Variants in PPP1R15A observed in about 807,000 individuals in gnomAD.
The protein encoded by PPP1R15A is protein phosphatase 1 regulatory subunit 15A, also known as growth arrest and DNA damage-inducible protein GADD34.
A neutral mutation model predicts 48.5 loss-of-function variants in PPP1R15A; 43 were observed. That is an observed-to-expected ratio of 0.89 (90% CI 0.69 to 1.14). PPP1R15A has a LOEUF of 1.14. Ranked by LOEUF, PPP1R15A falls within the 50% of genes most tolerant of loss-of-function variation. PPP1R15A has a pLI of 0.00. For missense variants in PPP1R15A, 868 were observed against 847.2 expected (o/e 1.02, Z -0.30); for synonymous variants, 327 against 327.4 (o/e 1.00, Z 0.01).
rs1435250415 is a variant in PPP1R15A at position 48,873,897 on chromosome 19, T to A, written c.664T>A (p.Ser222Thr). The A allele has an allele frequency of 6.2e-7, 1 of 1,613,796 alleles. No individual in the cohort carries two copies. The highest frequency in any genetic ancestry group is 8.5e-7 in the Non-Finnish European group (1 of 1,179,980). Residue 222 changes from serine (S) to threonine (T), a missense_variant, in exon 2 of 3, where the codon TCT (serine) becomes ACT (threonine). Transcript: ENST00000200453. ...AGGATCCAAGCCCAGCACTTGGGTG[T>A]CTTGCCCAGGGGAGGAAGAGAATCA... ...SPGSKPSTWV[S>T]CPGEEENQAT...
In PPP1R15A at chr19:48,873,810, G is replaced by A. The variant is rs771916648; in HGVS notation, c.577G>A (p.Glu193Lys). The change falls in exon 2 of 3, where the codon GAG (glutamate) becomes AAG (lysine). Residue 193 changes from glutamate (E) to lysine (K), a missense_variant. Physicochemically the swap from Glu to Lys is moderately conservative, Grantham distance 56. Coordinates refer to ENST00000200453, the MANE Select transcript of PPP1R15A (RefSeq NM_014330.5). ...HRECCPAVEEEDDEEAVKKEA... is the reference protein window; with the variant it reads ...HRECCPAVEEKDDEEAVKKEA... ...GGAGTGTTGTCCAGCCGTGGAGGAG[G>A]AGGACGATGAAGAAGCTGTAAAGAA... The A allele has an allele frequency of 1.2e-6, 2 of 1,614,130 alleles. No homozygotes were observed. The highest frequency in any genetic ancestry group is 4.5e-5 in the East Asian group (2 of 44,888).
In PPP1R15A at chr19:48,874,161, G is replaced by C. The variant is rs11541191; in HGVS notation, c.928G>C (p.Glu310Gln). The C allele has an allele frequency of 6.2e-7, 1 of 1,614,070 alleles. No homozygotes were observed. Among genetic ancestry groups the C allele is most frequent in the South Asian group, 1.1e-5 (1 of 91,076 alleles). Residue 310 changes from glutamate to glutamine, a missense_variant, in exon 2 of 3, where the codon GAG becomes CAG. By Grantham distance (29) the Glu-to-Gln change is conservative (BLOSUM62 2). Coordinates refer to ENST00000200453, the MANE Select transcript of PPP1R15A (RefSeq NM_014330.5). The part of the protein sequence containing the change: ...KSWWCQPSDE[E>Q]EGEVKALGAA... ...CTGGTGGTGCCAACCCAGTGATGAAGAGGAGGGTGAGGTCAAGGCTTTGGG... is the reference window on the plus strand; with the variant it reads ...CTGGTGGTGCCAACCCAGTGATGAACAGGAGGGTGAGGTCAAGGCTTTGGG...
rs146665963 is a variant in PPP1R15A at position 48,875,945 on chromosome 19, C to T, written c.1997C>T (p.Ala666Val). 80 of 1,597,260 alleles carry T rather than the reference C, an allele frequency of 5.0e-5. No individual in the cohort carries two copies. Among genetic ancestry groups the T allele is most frequent in the Non-Finnish European group, 6.7e-5 (78 of 1,168,760 alleles). The change falls in exon 3 of 3, where the codon GCC (alanine) becomes GTC (valine). Residue 666 changes from alanine to valine, a missense_variant. By Grantham distance (64) the Ala-to-Val change is moderately conservative. Transcript: ENST00000200453. ...CGCTCGTCTGCTGCTGCAGCGGCTG[C>T]CCTGGACCTCAGTGGGAGGCGTGGC... The part of the protein sequence containing the change: ...PSRSSAAAAA[A>V]LDLSGRRG
Position 48,874,015 on chromosome 19 carries a change from AG to A in PPP1R15A, c.783del (p.Glu261AspfsTer79), listed in dbSNP as rs1368406624. ...RSSGSDPRSW[E>X]YRSGEASEEK... ...TCAGGCTCCGACCCCAGGTCCTGGGAGTATCGTTCAGGAGAGGCGTCCGAGG... is the reference window on the plus strand; with the variant it reads ...TCAGGCTCCGACCCCAGGTCCTGGGATATCGTTCAGGAGAGGCGTCCGAGG... On this transcript the variant is annotated frameshift_variant, in exon 2 of 3. Transcript: ENST00000200453. LOFTEE classifies it high-confidence loss of function. 1 of 1,614,022 alleles carries A rather than the reference AG, an allele frequency of 6.2e-7. No individual in the cohort carries two copies. The highest frequency in any genetic ancestry group is 8.5e-7 in the Non-Finnish European group (1 of 1,180,038).
At position 48,873,898 on chromosome 19, in the gene PPP1R15A, C is replaced by G. The variant is rs754378637; in HGVS notation, c.665C>G (p.Ser222Cys). The change falls in exon 2 of 3, where the codon TCT (serine) becomes TGT (cysteine). Residue 222 changes from serine to cysteine, a missense_variant. Transcript: ENST00000200453. ...GGATCCAAGCCCAGCACTTGGGTGT[C>G]TTGCCCAGGGGAGGAAGAGAATCAA... ...SPGSKPSTWV[S>C]CPGEEENQAT... The G allele has an allele frequency of 3.6e-5, 58 of 1,613,866 alleles. No homozygotes were observed. Among genetic ancestry groups the G allele is most frequent in the Non-Finnish European group, 4.7e-5 (56 of 1,180,012 alleles).
intron 1 of PPP1R15A, 149 bp downstream of exon 1, chr19:48,872,800 C>A: frequency 3.7e-6 from 1 of 271,778 alleles, no homozygotes; most frequent in Non-Finnish European, 7.6e-6. Flanking sequence ...GAATCATCTG[C>A]CAAGTAGGGG....
intron 2 of PPP1R15A, 23 bp downstream of exon 2, chr19:48,874,921 CTATTTT>C: frequency 7.0e-7 from 1 of 1,422,160 alleles, no homozygotes; most frequent in Non-Finnish European, 9.3e-7. Context: ...AGCCCAGATT[CTATTTT>C]TTTTTTTTTT....
Position 48,874,536 on chromosome 19 carries a change from C to T in PPP1R15A, c.1303C>T (p.Arg435Trp), listed in dbSNP as rs144400267. ...TGCTTTCTTGAAGGCCTGGGTGTAT[C>T]GGCCAGGAGAGGACACGGAGGAGGA... ...ASAFLKAWVYRPGEDTEEEED... is the reference protein window; with the variant it reads ...ASAFLKAWVYWPGEDTEEEED... Residue 435 changes from arginine to tryptophan, a missense_variant, in exon 2 of 3, where the codon CGG (arginine) becomes TGG (tryptophan). Coordinates refer to ENST00000200453, the MANE Select transcript of PPP1R15A (RefSeq NM_014330.5). 5.0e-6 allele frequency: 8 copies of T among 1,611,756 alleles called. No individual in the cohort carries two copies. Among genetic ancestry groups the T allele is most frequent in the Admixed American group, 3.3e-5 (2 of 59,802 alleles).
rs746821743 is a variant in PPP1R15A at position 48,873,268 on chromosome 19, C to T, written c.35C>T (p.Pro12Leu). The T allele has an allele frequency of 2.6e-6, 4 of 1,562,694 alleles. No individual in the cohort carries two copies. The highest frequency in any genetic ancestry group is 3.5e-6 in the Non-Finnish European group (4 of 1,157,688). ...APGQAPHQAT[P>L]WRDAHPFFLL... Reference sequence around the variant, plus strand: ...GGCCAAGCACCCCATCAGGCTACCCCGTGGAGGGATGCCCACCCTTTCTTC... The same window carrying T: ...GGCCAAGCACCCCATCAGGCTACCCTGTGGAGGGATGCCCACCCTTTCTTC... Residue 12 changes from proline (P) to leucine (L), a missense_variant, in exon 2 of 3, where the codon CCG becomes CTG. Physicochemically the swap from Pro to Leu is moderately conservative, Grantham distance 98. Coordinates refer to ENST00000200453, the MANE Select transcript of PPP1R15A (RefSeq NM_014330.5).
In PPP1R15A at chr19:48,874,357, C is replaced by G; in HGVS notation, c.1124C>G (p.Ala375Gly). The G allele has an allele frequency of 1.2e-6, 2 of 1,613,634 alleles. No individual in the cohort carries two copies. Among genetic ancestry groups the G allele is most frequent in the South Asian group, 2.2e-5 (2 of 91,046 alleles). ...GSDEEEGEAE[A>G]SSSTPATGVF... ...GATGAGGAAGAGGGAGAAGCTGAGG[C>G]TTCCTCTTCCACTCCTGCTACAGGT... is the stretch of plus-strand genomic sequence containing the variant. The change falls in exon 2 of 3, where the codon GCT becomes GGT. Residue 375 changes from alanine (A) to glycine (G), a missense_variant. Transcript: ENST00000200453.
chr19:48,873,166 G>A lies in PPP1R15A; in HGVS notation c.-9-59G>A, dbSNP rs2037029357. The A allele has an allele frequency of 5.6e-6, 8 of 1,419,110 alleles. No individual in the cohort carries two copies. In the South Asian group the frequency reaches 9.9e-5, roughly 18 times the overall value. 87.9% of individuals were successfully genotyped at this position (1,419,110 alleles called of 1,614,324 possible). A position where few individuals can be genotyped will look rare whatever the true frequency, so the allele number is the denominator to read the frequency against. Reference sequence around the variant, plus strand: ...TTCCGTTGCTATGACTCATAGTCACGCCCGGATGCCATCCTCTAAATGGCC... The same window carrying A: ...TTCCGTTGCTATGACTCATAGTCACACCCGGATGCCATCCTCTAAATGGCC... On this transcript the variant is annotated intron_variant, in intron 1 of 2. Coordinates refer to ENST00000200453, the MANE Select transcript of PPP1R15A (RefSeq NM_014330.5).
chr19:48,874,921 CTAT>C, intron 2 of PPP1R15A, 23 bp downstream of exon 2: 1 of 1,422,156 alleles, frequency 7.0e-7, no homozygotes, highest in African/African-American at 1.4e-5. Flanking sequence ...AGCCCAGATT[CTAT>C]TTTTTTTTTT....
In PPP1R15A at chr19:48,874,923, A is replaced by T. The variant is rs996162573; in HGVS notation, c.1665+25A>T. ...GGTAGGTGCTGAGAGCCCAGATTCT[A>T]TTTTTTTTTTTTTTTTAATTGAGTT... On this transcript the variant is annotated intron_variant, in intron 2 of 2. Transcript: ENST00000200453. 352 of 1,368,696 alleles carry T rather than the reference A, an allele frequency of 2.6e-4. 1 individual carries two copies. In the African/African-American group the frequency reaches 2.7e-3, roughly 10 times the overall value. The allele number at this position is 1,368,696 out of a possible 1,614,324, so 84.8% of individuals were successfully genotyped here.
Position 48,875,801 on chromosome 19 carries a change from G to A in PPP1R15A, c.1853G>A (p.Arg618His), listed in dbSNP as rs146849578. Residue 618 changes from arginine to histidine, a missense_variant, in exon 3 of 3, where the codon CGC becomes CAC. By Grantham distance (29) the Arg-to-His change is conservative. Transcript: ENST00000200453. The stretch of plus-strand genomic sequence containing the variant: ...GCTGCCCGGGCCAGAGCCTGGGCAC[G>A]CCTCAGGAACCCACCTTTAGCCCCC... The part of the protein sequence containing the change: ...TPAARARAWA[R>H]LRNPPLAPIP... The A allele has an allele frequency of 9.1e-4, 1,470 of 1,613,884 alleles. 5 individuals are homozygous for A. The African/African-American group carries it at 0.012, about 13-fold the overall frequency.
At chr19:48,872,689 C>G (rs1390242885) in intron 1 of PPP1R15A, 38 bp downstream of exon 1, 1 of 333,094 alleles carries the variant, frequency 3.0e-6, no homozygotes, top group East Asian at 8.1e-5. Flanking sequence ...CCCCACGGGG[C>G]TGGGGGCCCG....
chr19:48,875,545 C>T (rs2037071174), intron 2 of PPP1R15A, 69 bp from the exon 3 acceptor site: 1 of 1,503,358 alleles, frequency 6.7e-7, no homozygotes, highest in Non-Finnish European at 8.9e-7. Context: ...CTCTCTCTTC[C>T]CCGCCCTCCC....
rs1254585084 is a variant in PPP1R15A, at chr19:48,873,677, A to G, written c.444A>G (p.Ile148Met). ...CTCCCCTGTCTCCCAGCCTTCTGATAAGGACACTGCAAGGTTCTGATAAGA... is the reference window on the plus strand; with the variant it reads ...CTCCCCTGTCTCCCAGCCTTCTGATGAGGACACTGCAAGGTTCTGATAAGA... The part of the protein sequence containing the change: ...QRAPLSPSLL[I>M]RTLQGSDKNP... Residue 148 changes from isoleucine (I) to methionine (M), a missense_variant, in exon 2 of 3, where the codon ATA (isoleucine) becomes ATG (methionine). Transcript: ENST00000200453. 11 of 1,614,080 alleles carry G rather than the reference A, an allele frequency of 6.8e-6. No individual in the cohort carries two copies. Among genetic ancestry groups the G allele is most frequent in the African/African-American group, 1.3e-5 (1 of 74,924 alleles).
chr19:48,875,975 ACCAACTGGT>A lies in PPP1R15A; in HGVS notation c.*3_*11del, dbSNP rs1246883877. The stretch of plus-strand genomic sequence containing the variant: ...GACCTCAGTGGGAGGCGTGGCTGAG[ACCAACTGGT>A]TTGCCTATAATTTATTAACTATTTA... On this transcript the variant is annotated 3_prime_UTR_variant, in exon 3 of 3. Transcript: ENST00000200453. 1 of 1,564,812 alleles carries A rather than the reference ACCAACTGGT, an allele frequency of 6.4e-7. No homozygotes were observed. Among genetic ancestry groups the A allele is most frequent in the Non-Finnish European group, 8.7e-7 (1 of 1,153,492 alleles).
rs780750361 is a variant in PPP1R15A at position 48,873,997 on chromosome 19, C to G, written c.764C>G (p.Ser255Cys). The G allele has an allele frequency of 2.5e-6, 4 of 1,614,068 alleles. No individual in the cohort carries two copies. The Admixed American group carries it at 6.7e-5, about 27-fold the overall frequency. Reference protein sequence around the residue: ...KTSVSPRSSGSDPRSWEYRSG... With the variant: ...KTSVSPRSSGCDPRSWEYRSG... Reference sequence around the variant, plus strand: ...TCCGTGTCCCCCCGATCTTCAGGCTCCGACCCCAGGTCCTGGGAGTATCGT... The same window carrying G: ...TCCGTGTCCCCCCGATCTTCAGGCTGCGACCCCAGGTCCTGGGAGTATCGT... The change falls in exon 2 of 3, where the codon TCC (serine) becomes TGC (cysteine). Residue 255 changes from serine to cysteine, a missense_variant. Transcript: ENST00000200453.
Sources: gnomAD v4.1 joint callset for allele counts on GRCh38, gnomAD v4.1.1 for gene constraint, MANE v1.5 for transcripts, NCBI Gene and HGNC (gene_info 2026-07-23, HGNC 2026-07-21) for gene names.